Variants in BICRA observed in about 807,000 individuals in gnomAD.
BICRA encodes BRD4 interacting chromatin remodeling complex associated protein, also known as BRD4-interacting chromatin-remodeling complex-associated protein.
A neutral mutation model predicts 96.9 loss-of-function variants in BICRA; 31 were observed. That is an observed-to-expected ratio of 0.32 (90% CI 0.24 to 0.43). The LOEUF is 0.43. Among genes scored for constraint, BICRA ranks in the 20% least tolerant of loss-of-function variants. BICRA has a pLI of 1.00. For synonymous variants in BICRA, 1,350 were observed against 1,071.8 expected (o/e 1.26, Z -5.07); for missense variants, 2,283 against 2,190.3 (o/e 1.04, Z -0.84).
chr19:47,672,888 T>C (rs1411183280), intron 2 of BICRA, among the ~76,000 whole-genome samples: 1 of 152,036 alleles, frequency 6.6e-6, no homozygotes, highest in Non-Finnish European at 1.5e-5. Context: ...CCCGGTGGCT[T>C]CTCTGACTCA....
At position 47,685,782 on chromosome 19, in the gene BICRA, TGTGTGC is replaced by T. The variant is rs1298942139; in HGVS notation, c.2283+3632_2283+3637del. Reference sequence around the variant, plus strand: ...GTGTGTGTGTGTGTGTGTGTGTGTGTGTGTGCGCGCGCGCGCGCATGCGTACATTTT... The same window carrying T: ...GTGTGTGTGTGTGTGTGTGTGTGTGTGCGCGCGCGCGCATGCGTACATTTT... On this transcript the variant is annotated intron_variant, in intron 7 of 14. Transcript: ENST00000594866. Among the ~76,000 whole-genome samples the T allele has an allele frequency of 1.5e-3, 193 of 124,906 alleles. 1 individual carries two copies. The highest frequency in any genetic ancestry group is 6.3e-3 in the South Asian group (24 of 3,804). 81.9% of individuals were successfully genotyped at this position (124,906 alleles called of 152,430 possible).
chr19:47,671,191 C>T (rs1046503805), intron 2 of BICRA, among the ~76,000 whole-genome samples: 1 of 152,220 alleles, frequency 6.6e-6, no homozygotes, highest in Non-Finnish European at 1.5e-5. Context: ...TGGGGGGTCC[C>T]TGGTCAGGGC....
At chr19:47,667,090 C>T (rs1003315337) in intron 1 of BICRA, among the ~76,000 whole-genome samples, 1 of 150,902 alleles carries the variant, frequency 6.6e-6, no homozygotes, top group Non-Finnish European at 1.5e-5. Context: ...ACGATCTCGG[C>T]TCACTGCAAC....
Position 47,701,940 on chromosome 19 carries a change from G to T in BICRA, c.4208G>T (p.Gly1403Val). 7.0e-7 allele frequency: 1 copy of T among 1,437,864 alleles called. No homozygotes were observed. Among genetic ancestry groups the T allele is most frequent in the Non-Finnish European group, 9.0e-7 (1 of 1,105,742 alleles). 89.1% of individuals were successfully genotyped at this position (1,437,864 alleles called of 1,614,324 possible). ...GTGGGGGGCCCTGGCGCGCCGGAGG[G>T]GACGCCCGCAGGCAGGGCACGGGGA... The part of the protein sequence containing the change: ...ENVGGPGAPE[G>V]TPAGRARGGS... Residue 1403 changes from glycine to valine, a missense_variant, in exon 15 of 15, where the codon GGG (glycine) becomes GTG (valine). Transcript: ENST00000594866. This position sits in a 1 kb window ranked among gnomAD's most constrained non-coding sequence, Gnocchi z 5.4.
intron 1 of BICRA, among the ~76,000 whole-genome samples, chr19:47,611,381 A>G (rs1971904720): frequency 6.6e-6 from 1 of 152,116 alleles, no homozygotes. Flanking sequence ...GTCTGCAGGA[A>G]CTGAGAACTG....
intron 1 of BICRA, among the ~76,000 whole-genome samples, chr19:47,642,514 A>T (rs192257613): frequency 2.0e-5 from 3 of 152,130 alleles, no homozygotes; most frequent in African/African-American, 7.2e-5. Flanking sequence ...CAGCCTGGGA[A>T]CATGGCAAAA....
chr19:47,640,593 A>T (rs1972369983), intron 1 of BICRA, among the ~76,000 whole-genome samples: 1 of 151,762 alleles, frequency 6.6e-6, no homozygotes, highest in Non-Finnish European at 1.5e-5. Flanking sequence ...AGGATACTCA[A>T]AGTTGGGCTC....
intron 1 of BICRA, among the ~76,000 whole-genome samples, chr19:47,664,792 C>T (rs185395970): frequency 1.4e-3 from 218 of 152,324 alleles, no homozygotes; most frequent in African/African-American, 4.8e-3. Context: ...GCCACATGTC[C>T]GCCCTGTTCT....
intron 7 of BICRA, among the ~76,000 whole-genome samples, chr19:47,685,784 T>TGTGTGTGCGCGCGCGCGCGCGCGCATGC (rs1555790113): frequency 8.7e-6 from 1 of 115,436 alleles, no homozygotes; most frequent in Non-Finnish European, 1.7e-5. Flanking sequence ...TGTGTGTGTG[T>TGTGTGTGCGCGCGCGCGCGCGCGCATGC]GTGCGCGCGC....
intron 1 of BICRA, chr19:47,662,479 T>TG (rs113201240): frequency 0.31 from 47,801 of 152,148 alleles, 8,070 homozygotes; most frequent in East Asian, 0.58. Context: ...AAGACCAGCC[T>TG]GACCAACATG....
chr19:47,657,932 T>G (rs1386955271), intron 1 of BICRA, among the ~76,000 whole-genome samples: 1 of 124,810 alleles, frequency 8.0e-6, no homozygotes, highest in African/African-American at 3.1e-5. Flanking sequence ...CTCTCTCTCG[T>G]TTTTTTTTTC....
chr19:47,640,779 G>A (rs1568554236), intron 1 of BICRA, among the ~76,000 whole-genome samples: 2 of 152,054 alleles, frequency 1.3e-5, no homozygotes, highest in Non-Finnish European at 2.9e-5. Flanking sequence ...GTTCCTAGCT[G>A]CAAGAACAGC....
intron 1 of BICRA, among the ~76,000 whole-genome samples, chr19:47,640,824 A>T (rs991933311): frequency 6.6e-6 from 1 of 150,916 alleles, no homozygotes; most frequent in Admixed American, 6.6e-5. Flanking sequence ...ATTTGAAAAC[A>T]CTTACCCAGT....
chr19:47,625,279 T>A (rs1023275674), intron 1 of BICRA, among the ~76,000 whole-genome samples: 6 of 150,210 alleles, frequency 4.0e-5, no homozygotes, highest in African/African-American at 1.5e-4. Context: ...AGATTACAGG[T>A]GTGAGCCACC....
rs1219432733 is a variant in BICRA at position 47,620,689 on chromosome 19, A to AC, written c.-108+11522dup. On this transcript the variant is annotated intron_variant, in intron 1 of 14. Transcript: ENST00000594866. ...TCTCAAAAAAAAAAAAAAAAAAAAAACAAGAACAAAACCCACATGCTTCCA... is the reference window on the plus strand; with the variant it reads ...TCTCAAAAAAAAAAAAAAAAAAAAAACCAAGAACAAAACCCACATGCTTCCA... Among the ~76,000 whole-genome samples the AC allele has an allele frequency of 3.3e-5, 5 of 150,086 alleles. No homozygotes were observed. The South Asian group carries it at 8.4e-4, about 25-fold the overall frequency.
At chr19:47,693,287 T>G (rs574481445) in intron 7 of BICRA, among the ~76,000 whole-genome samples, 3 of 152,240 alleles carry the variant, frequency 2.0e-5, no homozygotes, top group Non-Finnish European at 4.4e-5. Context: ...GGTGGCTGTG[T>G]GCGTGTGACA....
chr19:47,609,056 G>C (rs1445082465), upstream of BICRA: 1 of 147,434 alleles, frequency 6.8e-6, no homozygotes, highest in African/African-American at 2.4e-5. Context: ...GCCGCCATGC[G>C]ATCAGGCAGT....
intron 1 of BICRA, among the ~76,000 whole-genome samples, chr19:47,632,689 A>C (rs2123524470): frequency 6.6e-6 from 1 of 152,310 alleles, no homozygotes; most frequent in South Asian, 2.1e-4. Context: ...ATTCAGTGAG[A>C]GAGCAGAGAG....
intron 2 of BICRA, among the ~76,000 whole-genome samples, chr19:47,672,348 TGGATGGAA>T (rs1375527197): frequency 1.3e-4 from 18 of 138,156 alleles, no homozygotes; most frequent in Admixed American, 5.8e-4. Context: ...GGTAGGTAGA[TGGATGGAA>T]GGATGGAGGA....
Sources: allele counts gnomAD v4.1 joint callset (sites outside exome capture counted in the v4.1 genomes callset), GRCh38; gene constraint gnomAD v4.1.1; non-coding constraint Gnocchi (gnomAD v3.1); transcripts MANE v1.5; gene names NCBI Gene and HGNC (gene_info 2026-07-23, HGNC 2026-07-21).